Variants in DMD observed in about 807,000 individuals in gnomAD.
DMD encodes dystrophin.
Under a neutral mutation model 330.1 loss-of-function variants are expected in DMD, and 63 were observed. That is an observed-to-expected ratio of 0.19 (90% confidence interval 0.16 to 0.24). DMD has a LOEUF of 0.24. Ranked by LOEUF, DMD falls within the 10% of genes least tolerant of loss-of-function variation. The pLI is 1.00. For missense variants in DMD, 3,344 were observed against 2,684.1 expected (o/e 1.25, Z -5.43); for synonymous variants, 1,223 against 959.8 (o/e 1.27, Z -5.07).
intron 55 of DMD, among the ~76,000 whole-genome samples, chrX:31,575,142 G>A (rs947786293): frequency 6.3e-5 from 7 of 111,529 alleles, no homozygotes; most frequent in African/African-American, 2.3e-4. Flanking sequence ...ATGATAATGA[G>A]GTGGATTTGG....
At chrX:32,483,443 C>T (rs2042117356) in intron 21 of DMD, among the ~76,000 whole-genome samples, 1 of 107,498 alleles carries the variant, frequency 9.3e-6, no homozygotes, top group Admixed American at 1.0e-4. Flanking sequence ...ATAGACAAAT[C>T]TCAGTTATCA....
chrX:31,153,804 G>A lies in DMD; in HGVS notation c.10554-6286C>T, dbSNP rs759619541. 6.2e-5 allele frequency among the ~76,000 whole-genome samples: 7 copies of A among 112,184 alleles called. No homozygotes were observed. In the South Asian group the frequency reaches 1.5e-3, roughly 24 times the overall value. ...TAAGCTCAATAGCAAACTTGATTTT[G>A]AGGGACTAGTTTTTCCTCCTGAAGC... On this transcript the variant is annotated intron_variant, in intron 74 of 78. Coordinates refer to ENST00000357033, the MANE Select transcript of DMD (RefSeq NM_004006.3).
intron 44 of DMD, among the ~76,000 whole-genome samples, chrX:32,095,304 G>A (rs1240272161): frequency 8.9e-6 from 1 of 111,736 alleles, no homozygotes; most frequent in African/African-American, 3.2e-5. Flanking sequence ...AAAATATCTC[G>A]TTATCCATAG....
In DMD at chrX:32,263,040, G is replaced by T. The variant is rs756195862; in HGVS notation, c.6290+24489C>A. Among the ~76,000 whole-genome samples the T allele has an allele frequency of 6.3e-5, 7 of 111,877 alleles. No individual in the cohort carries two copies. In the South Asian group the frequency reaches 2.6e-3, roughly 42 times the overall value. On this transcript the variant is annotated intron_variant, in intron 43 of 78. Transcript: ENST00000357033. ...CATCTGCATGGAAATCTCTGTCTTA[G>T]AGTCTATGTCTTAGAAAATCCAATC...
At chrX:32,686,573 A>G (rs2062888355) in intron 9 of DMD, among the ~76,000 whole-genome samples, 1 of 106,992 alleles carries the variant, frequency 9.3e-6, no homozygotes. Flanking sequence ...AAAAAAAAAA[A>G]AAAAAAAAAG....
intron 1 of DMD, among the ~76,000 whole-genome samples, chrX:33,085,569 C>A (rs926616104): frequency 5.4e-5 from 6 of 112,081 alleles, no homozygotes; most frequent in Non-Finnish European, 1.1e-4. Context: ...TAAAACAACT[C>A]AGTTTATGTT....
At chrX:32,188,779 C>T (rs1452101615) in intron 44 of DMD, among the ~76,000 whole-genome samples, 2 of 110,399 alleles carry the variant, frequency 1.8e-5, no homozygotes, top group East Asian at 5.7e-4. Context: ...CTTTAAATTA[C>T]ATCATTGCCT....
At chrX:31,625,204 G>T (rs140559095) in intron 55 of DMD, among the ~76,000 whole-genome samples, 3,575 of 112,098 alleles carry the variant, frequency 0.032, 137 homozygotes, top group African/African-American at 0.11. Flanking sequence ...TAGCTGCCAG[G>T]GAAGAGGGAA....
intron 48 of DMD, among the ~76,000 whole-genome samples, chrX:31,840,549 CTTTT>C (rs1207207240): frequency 6.5e-5 from 5 of 76,362 alleles, no homozygotes; most frequent in Admixed American, 1.5e-4. Context: ...GCAGATACTG[CTTTT>C]TTTTTTTTTT....
At chrX:33,248,506 C>G (rs984844021) in intron 1 of DMD, among the ~76,000 whole-genome samples, 1 of 111,570 alleles carries the variant, frequency 9.0e-6, no homozygotes, top group African/African-American at 3.3e-5. Flanking sequence ...TTTTTTCACC[C>G]ATTTTTATTC....
intron 62 of DMD, among the ~76,000 whole-genome samples, chrX:31,264,004 C>T (rs2050780315): frequency 8.9e-6 from 1 of 112,324 alleles, no homozygotes; most frequent in Non-Finnish European, 1.9e-5. Flanking sequence ...CCCACTGGGA[C>T]ACATTTAACC....
Position 31,446,054 on chromosome X carries a change from C to G in DMD, c.8938-1427G>C, listed in dbSNP as rs766882683. ...TTGATAAAACCATTGGTTACACTGA[C>G]CTCATTTATAAGCCTTGCATTTCCT... On this transcript the variant is annotated intron_variant, in intron 59 of 78. Transcript: ENST00000357033. Among the ~76,000 whole-genome samples, 4 of 111,746 alleles carry G rather than the reference C, an allele frequency of 3.6e-5. No individual in the cohort carries two copies. In the South Asian group the frequency reaches 1.5e-3, roughly 42 times the overall value.
In DMD at chrX:32,600,009, G is replaced by C. The variant is rs181645797; in HGVS notation, c.1483-4133C>G. On this transcript the variant is annotated intron_variant, in intron 12 of 78. Coordinates refer to ENST00000357033, the MANE Select transcript of DMD (RefSeq NM_004006.3). ...TTTTGTTATACCTCTGTGAATAATT[G>C]TATTTCTTCTAAATAAGTCTCTAGT... 2.7e-3 allele frequency among the ~76,000 whole-genome samples: 300 copies of C among 112,171 alleles called. 2 individuals carry two copies. The highest frequency in any genetic ancestry group is 9.4e-3 in the Middle Eastern group (2 of 213).
At chrX:32,726,452 A>T (rs2066892032) in intron 7 of DMD, among the ~76,000 whole-genome samples, 1 of 111,444 alleles carries the variant, frequency 9.0e-6, no homozygotes, top group African/African-American at 3.2e-5. Context: ...GCTTCCACCA[A>T]ATATACCTTG....
At chrX:32,425,397 T>C (rs1256043362) in intron 29 of DMD, among the ~76,000 whole-genome samples, 1 of 111,440 alleles carries the variant, frequency 9.0e-6, no homozygotes, top group African/African-American at 3.3e-5. Flanking sequence ...TTCCATTTTT[T>C]TTGCTCGTGT....
intron 54 of DMD, among the ~76,000 whole-genome samples, chrX:31,634,972 G>T (rs1388645123): frequency 9.0e-6 from 1 of 111,194 alleles, no homozygotes; most frequent in African/African-American, 3.3e-5. Context: ...TACTCTTTAA[G>T]ATCTGCATTT....
intron 44 of DMD, among the ~76,000 whole-genome samples, chrX:32,207,290 A>G (rs1266092598): frequency 9.0e-6 from 1 of 111,065 alleles, no homozygotes; most frequent in African/African-American, 3.3e-5. Context: ...TTCCCTTATA[A>G]AAGTGGGAGT....
chrX:32,605,145 A>G (rs977839761), intron 12 of DMD, among the ~76,000 whole-genome samples: 4 of 111,491 alleles, frequency 3.6e-5, no homozygotes, highest in Non-Finnish European at 7.6e-5. Context: ...CCTGACTTCA[A>G]ATTATACTAA....
At chrX:31,438,541 G>A (rs927417547) in intron 60 of DMD, among the ~76,000 whole-genome samples, 1 of 111,806 alleles carries the variant, frequency 8.9e-6, no homozygotes, top group Non-Finnish European at 1.9e-5. Context: ...TTGGAGAATG[G>A]CCTCATATTT....
Sources: gnomAD v4.1 joint callset for allele counts (sites outside exome capture counted in the v4.1 genomes callset) on GRCh38, gnomAD v4.1.1 for gene constraint, MANE v1.5 for transcripts, NCBI Gene and HGNC (gene_info 2026-07-23, HGNC 2026-07-21) for gene names.